The following CYSLTR2 variants were observed in gnomAD, a reference collection of about 807,000 sequenced individuals.
CYSLTR2 encodes the protein cysteinyl leukotriene receptor 2, also known as G-protein coupled receptor GPCR21.
For missense variants in CYSLTR2, 398 were observed against 411.9 expected, an observed-to-expected ratio of 0.97 and a Z score of 0.29; for synonymous variants, 179 against 160.8, an observed-to-expected ratio of 1.11 and a Z score of -0.86.
At position 48,667,363 on chromosome 13, in the gene CYSLTR2, C is replaced by T. The variant is rs112630147; in HGVS notation, c.-266+13346C>T. ...TACCCTGGCTGGGAGTATGTCAATGCGGTTGCTCAGTCAGCCTGGGGGGTG... is the reference window on the plus strand; with the variant it reads ...TACCCTGGCTGGGAGTATGTCAATGTGGTTGCTCAGTCAGCCTGGGGGGTG... On this transcript the variant is annotated intron_variant, in intron 1 of 4. Coordinates refer to ENST00000682523, the MANE Select transcript of CYSLTR2 (RefSeq NM_001308476.3). Among the ~76,000 whole-genome samples the T allele has an allele frequency of 1.6e-3, 248 of 152,254 alleles. 1 individual carries two copies. Among genetic ancestry groups the T allele is most frequent in the Middle Eastern group, 0.014 (4 of 294 alleles).
At chr13:48,683,505 T>C (rs1216401935) in intron 1 of CYSLTR2, among the ~76,000 whole-genome samples, 1 of 152,220 alleles carries the variant, frequency 6.6e-6, no homozygotes, top group East Asian at 1.9e-4. Flanking sequence ...TTTTTTCATA[T>C]GTTTATTGGC....
intron 3 of CYSLTR2, among the ~76,000 whole-genome samples, chr13:48,696,142 A>C (rs139865491): frequency 2.6e-5 from 4 of 152,336 alleles, no homozygotes; most frequent in Non-Finnish European, 5.9e-5. Context: ...TTCCCTAATG[A>C]CCAACAATGT....
At chr13:48,685,642 C>T (rs575673732) in intron 1 of CYSLTR2, among the ~76,000 whole-genome samples, 20 of 152,298 alleles carry the variant, frequency 1.3e-4, no homozygotes, top group Non-Finnish European at 2.4e-4. Context: ...AGCTCCCTGA[C>T]TGCAAACTCT....
At chr13:48,672,539 C>G (rs1953461914) in intron 1 of CYSLTR2, among the ~76,000 whole-genome samples, 1 of 151,582 alleles carries the variant, frequency 6.6e-6, no homozygotes, top group African/African-American at 2.4e-5. Context: ...ATTATTTACC[C>G]AGTAGTCATT....
chr13:48,704,674 G>C (rs528590073), intron 4 of CYSLTR2, among the ~76,000 whole-genome samples: 2 of 151,786 alleles, frequency 1.3e-5, no homozygotes, highest in South Asian at 2.1e-4. Flanking sequence ...TATATTTTTT[G>C]TTTCCCTTGA....
chr13:48,679,976 A>G (rs1953705835), intron 1 of CYSLTR2, among the ~76,000 whole-genome samples: 2 of 152,128 alleles, frequency 1.3e-5, no homozygotes, highest in Non-Finnish European at 2.9e-5. Context: ...TCCGCATGGC[A>G]GGTCTACCAG....
At chr13:48,660,542 C>T (rs1427940697) in intron 1 of CYSLTR2, among the ~76,000 whole-genome samples, 1 of 152,182 alleles carries the variant, frequency 6.6e-6, no homozygotes. Context: ...AAACAAGGCC[C>T]TGTGAGATTC....
chr13:48,689,562 T>C (rs889023883), intron 1 of CYSLTR2, among the ~76,000 whole-genome samples: 50 of 152,302 alleles, frequency 3.3e-4, no homozygotes, highest in African/African-American at 1.2e-3. Flanking sequence ...CAGATGGTTG[T>C]AGATGTGTGG....
chr13:48,702,934 T>C (rs1309472470), intron 4 of CYSLTR2, among the ~76,000 whole-genome samples: 1 of 152,190 alleles, frequency 6.6e-6, no homozygotes, highest in Non-Finnish European at 1.5e-5. Context: ...GGCATGTTTC[T>C]CCATTTCTTT....
In CYSLTR2 at chr13:48,706,910, C is replaced by T. The variant is rs1954504279; in HGVS notation, c.93C>T (p.Cys31=). 2 of 1,614,160 alleles carry T rather than the reference C, an allele frequency of 1.2e-6. No homozygotes were observed. The highest frequency in any genetic ancestry group is 4.5e-5 in the East Asian group (2 of 44,888). Residue 31 remains cysteine, a synonymous_variant, in exon 5 of 5, where the codon TGC becomes TGT. Transcript: ENST00000682523. Reference sequence around the variant, plus strand: ...TCAGCAATAACAACAGCAGGAACTGCACAATTGAAAACTTCAAGAGAGAAT... The same window carrying T: ...TCAGCAATAACAACAGCAGGAACTGTACAATTGAAAACTTCAAGAGAGAAT... ...GTFSNNNSRN[C]TIENFKREFF...
intron 1 of CYSLTR2, among the ~76,000 whole-genome samples, chr13:48,667,944 G>A (rs139650459): frequency 8.7e-4 from 133 of 152,268 alleles, no homozygotes; most frequent in African/African-American, 3.1e-3. Flanking sequence ...AGCCTAATGT[G>A]GCTGCAAATT....
intron 1 of CYSLTR2, among the ~76,000 whole-genome samples, chr13:48,669,345 G>A (rs1211919419): frequency 6.6e-6 from 1 of 151,606 alleles, no homozygotes; most frequent in Non-Finnish European, 1.5e-5. Context: ...TTTTACAAAG[G>A]CATACACATG....
chr13:48,664,759 TA>T (rs1264185559), intron 1 of CYSLTR2, among the ~76,000 whole-genome samples: 8 of 151,978 alleles, frequency 5.3e-5, no homozygotes, highest in Non-Finnish European at 1.2e-4. Context: ...CCATTTTGTT[TA>T]CCTTTTCAAA....
Position 48,691,281 on chromosome 13 carries a change from A to G in CYSLTR2, c.-196A>G, listed in dbSNP as rs1954032243. 6.6e-6 allele frequency: 1 copy of G among 152,076 alleles called. No homozygotes were observed. The highest frequency in any genetic ancestry group is 6.6e-5 in the Admixed American group (1 of 15,254). The allele number at this position is 152,076 out of a possible 1,614,324, so 9.4% of individuals were successfully genotyped here. A position where few individuals can be genotyped will look rare whatever the true frequency, so the allele number is the denominator to read the frequency against. On this transcript the variant is annotated 5_prime_UTR_variant, in exon 2 of 5. An upstream start codon of the reference 5' UTR is lost. Coordinates refer to ENST00000682523, the MANE Select transcript of CYSLTR2 (RefSeq NM_001308476.3). ...AGTCTATAGAAGGTCCATGCAAGGT[A>G]TGGAGAGTTCCTCAACAGAGGTAAT...
At chr13:48,700,101 C>A (rs1954300660) in intron 4 of CYSLTR2, among the ~76,000 whole-genome samples, 1 of 152,200 alleles carries the variant, frequency 6.6e-6, no homozygotes, top group African/African-American at 2.4e-5. Flanking sequence ...CAAAGAGGAG[C>A]TGGTACCATT....
At chr13:48,657,913 C>A (rs1953038310) in intron 1 of CYSLTR2, among the ~76,000 whole-genome samples, 1 of 151,920 alleles carries the variant, frequency 6.6e-6, no homozygotes, top group Admixed American at 6.6e-5. Context: ...CAAGTCAAGG[C>A]TTTTAGGGTA....
At chr13:48,687,363 A>G (rs1321174129) in intron 1 of CYSLTR2, among the ~76,000 whole-genome samples, 1 of 150,404 alleles carries the variant, frequency 6.6e-6, no homozygotes, top group East Asian at 1.9e-4. Flanking sequence ...ATTATCATCT[A>G]TCTACTTATT....
At chr13:48,664,903 G>T (rs982862870) in intron 1 of CYSLTR2, among the ~76,000 whole-genome samples, 29 of 151,806 alleles carry the variant, frequency 1.9e-4, no homozygotes, top group Middle Eastern at 3.4e-3. Flanking sequence ...GCATTTTTAG[G>T]TTGCTTATTT....
intron 1 of CYSLTR2, among the ~76,000 whole-genome samples, chr13:48,680,942 T>A (rs1470182233): frequency 1.3e-5 from 2 of 152,048 alleles, no homozygotes; most frequent in Admixed American, 6.6e-5. Flanking sequence ...GAATTTTGAA[T>A]GTGGGCTGGC....
Sources: allele counts gnomAD v4.1 joint callset (sites outside exome capture counted in the v4.1 genomes callset), GRCh38; gene constraint gnomAD v4.1.1; transcripts MANE v1.5; gene names NCBI Gene and HGNC (gene_info 2026-07-23, HGNC 2026-07-21).